MACF1: variants seen among roughly 807,000 people sequenced by gnomAD.
MACF1 encodes microtubule-actin cross-linking factor 1.
A neutral mutation model predicts 854.8 loss-of-function variants in MACF1; 193 were observed. The observed-to-expected ratio is 0.23, with a 90% CI of 0.20 to 0.25. MACF1 has a LOEUF of 0.25. MACF1 is among the 10% of genes least tolerant of loss of function. The probability of loss-of-function intolerance (pLI) is 1.00; values close to 1 mark genes in which losing one functional copy is unlikely to be tolerated. For missense variants in MACF1, 7,722 were observed against 8,929.1 expected (o/e 0.86, Z 5.45); for synonymous variants, 3,185 against 3,226.7 (o/e 0.99, Z 0.44).
intron 1 of MACF1, among the ~76,000 whole-genome samples, chr1:39,213,703 C>T (rs1644542931): frequency 6.6e-6 from 1 of 152,132 alleles, no homozygotes; most frequent in African/African-American, 2.4e-5. Context: ...ATGTTCATTC[C>T]TTTTTTTCTC....
At chr1:39,482,537 C>T (rs1179532965) in intron 99 of MACF1, among the ~76,000 whole-genome samples, 5 of 151,756 alleles carry the variant, frequency 3.3e-5, no homozygotes, top group East Asian at 1.9e-4. Context: ...TTTGTTTTTT[C>T]ATTTTTTAAA....
At position 39,441,265 on chromosome 1, in the gene MACF1, G is replaced by A. The variant is rs1644110500; in HGVS notation, c.18612G>A (p.Glu6204=). Residue 6204 remains glutamate, a synonymous_variant, in exon 74 of 101, where the codon GAG becomes GAA. Coordinates refer to ENST00000564288, the MANE Select transcript of MACF1 (RefSeq NM_001394062.1). ...AWENLNKTWK[E]RLEKLEDAMQ... is the part of the protein sequence containing the mutation. ...AGAACTTAAACAAAACATGGAAAGAGAGGCTAGAAAAACTTGAGGATGCTA... is the reference window on the plus strand; with the variant it reads ...AGAACTTAAACAAAACATGGAAAGAAAGGCTAGAAAAACTTGAGGATGCTA... 1 of 1,614,066 alleles carries A rather than the reference G, an allele frequency of 6.2e-7. No homozygotes were observed. Among genetic ancestry groups the A allele is most frequent in the South Asian group, 1.1e-5 (1 of 91,084 alleles).
intron 51 of MACF1, among the ~76,000 whole-genome samples, chr1:39,371,218 G>T (rs978083451): frequency 6.6e-6 from 1 of 151,368 alleles, no homozygotes. Context: ...ACTCAAGAGG[G>T]TGAGGCAGAG....
At position 39,327,175 on chromosome 1, in the gene MACF1, G is replaced by T. The variant is rs200715407; in HGVS notation, c.4479-43G>T. ...AGCAATAGAGCAGAGTTTGGAGATT[G>T]TTTTTTTTTCTCCTAAAAAAGCTTT... On this transcript the variant is annotated intron_variant, in intron 35 of 100. Transcript: ENST00000564288. 160 of 1,475,528 alleles carry T rather than the reference G, an allele frequency of 1.1e-4. No individual in the cohort carries two copies. The African/African-American group carries it at 2.1e-3, about 19-fold the overall frequency. 91.4% of individuals were successfully genotyped at this position (1,475,528 alleles called of 1,614,324 possible).
chr1:39,333,903 C>G lies in MACF1; in HGVS notation c.7315C>G (p.Leu2439Val), dbSNP rs1406772724. 8 of 1,614,002 alleles carry G rather than the reference C, an allele frequency of 5.0e-6. No individual in the cohort carries two copies. The East Asian group carries it at 1.8e-4, about 36-fold the overall frequency. ...GLVDVADQPE[L>V]INLEKASKGR... ...GGTGGACGTTGCTGACCAGCCAGAA[C>G]TTATAAATCTGGAGAAAGCTTCCAA... Residue 2439 changes from leucine to valine, a missense_variant, in exon 37 of 101, where the codon CTT (leucine) becomes GTT (valine). This residue lies in a region of MACF1 where 1,531 missense variants were observed against 1,601.6 expected (regional missense o/e 0.96). Transcript: ENST00000564288.
At chr1:39,243,694 C>T (rs758621006) in intron 2 of MACF1, among the ~76,000 whole-genome samples, 14 of 152,190 alleles carry the variant, frequency 9.2e-5, no homozygotes, top group Non-Finnish European at 1.8e-4. Flanking sequence ...TGAGCCACCG[C>T]ACCTGGCCTT....
Position 39,429,814 on chromosome 1 carries a change from C to A in MACF1, c.16889-13C>A. 6.2e-7 allele frequency: 1 copy of A among 1,613,134 alleles called. No homozygotes were observed. The highest frequency in any genetic ancestry group is 1.1e-5 in the South Asian group (1 of 91,026). On this transcript the variant is annotated splice_polypyrimidine_tract_variant and intron_variant, in intron 64 of 100. Coordinates refer to ENST00000564288, the MANE Select transcript of MACF1 (RefSeq NM_001394062.1). ...TCTCTTAAATATGAGTAATTGTGTG[C>A]TATCTTCCATAGGTGAGGAGGTGTT...
intron 1 of MACF1, among the ~76,000 whole-genome samples, chr1:39,207,260 T>A (rs887224218): frequency 7.4e-6 from 1 of 135,746 alleles, no homozygotes; most frequent in Non-Finnish European, 1.5e-5. Flanking sequence ...AGTTGTTTTT[T>A]TCTTTCTTTC....
Position 39,333,600 on chromosome 1 carries a change from T to C in MACF1, c.7012T>C (p.Ser2338Pro). 1 of 1,614,224 alleles carries C rather than the reference T, an allele frequency of 6.2e-7. No individual in the cohort carries two copies. Among genetic ancestry groups the C allele is most frequent in the Non-Finnish European group, 8.5e-7 (1 of 1,180,038 alleles). The change falls in exon 37 of 101, where the codon TCT becomes CCT. Residue 2338 changes from serine to proline, a missense_variant. Transcript: ENST00000564288. Reference sequence around the variant, plus strand: ...GAACATGTTTCAGGGGTTCTTTGACTCTCAGACTTGTGAGTCTTTGACAAC... The same window carrying C: ...GAACATGTTTCAGGGGTTCTTTGACCCTCAGACTTGTGAGTCTTTGACAAC... ...KLNMFQGFFD[S>P]QTCESLTTEE...
At chr1:39,304,429 T>A in intron 23 of MACF1, 1 of 1,316,768 alleles carries the variant, frequency 7.6e-7, no homozygotes, top group Non-Finnish European at 1.1e-6. Context: ...GTTGACCCTC[T>A]CCACCCTTTC....
chr1:39,269,792 G>C (rs921605252), intron 6 of MACF1: 8 of 1,183,974 alleles, frequency 6.8e-6, no homozygotes, highest in African/African-American at 3.1e-5. Context: ...TTAAAGCTGA[G>C]TGTGGTGAGC....
At chr1:39,102,582 C>A (rs553400598) in intron 2 of MACF1, 4 of 602,424 alleles carry the variant, frequency 6.6e-6, no homozygotes, top group Non-Finnish European at 1.2e-5. Context: ...ACATTAGAGG[C>A]GCTGAAAGAA....
chr1:39,146,908 T>A (rs1284161390), intron 2 of MACF1, among the ~76,000 whole-genome samples: 7 of 152,220 alleles, frequency 4.6e-5, no homozygotes, highest in Non-Finnish European at 1.0e-4. Context: ...TACCCTGATG[T>A]GATTAGTATA....
At chr1:39,330,884 C>T (rs920583224) in intron 36 of MACF1, among the ~76,000 whole-genome samples, 4 of 151,874 alleles carry the variant, frequency 2.6e-5, no homozygotes, top group African/African-American at 9.7e-5. Context: ...TCACTACAAC[C>T]TCCACCTCCC....
intron 58 of MACF1, among the ~76,000 whole-genome samples, chr1:39,417,391 A>G (rs933911381): frequency 1.3e-5 from 2 of 152,160 alleles, no homozygotes; most frequent in Non-Finnish European, 2.9e-5. Flanking sequence ...TAAGATTACA[A>G]TTTGCCAAGG....
intron 2 of MACF1, among the ~76,000 whole-genome samples, chr1:39,180,340 G>A (rs1644088464): frequency 6.6e-6 from 1 of 152,120 alleles, no homozygotes; most frequent in South Asian, 2.1e-4. Context: ...TATAGGCCAG[G>A]CATGGTGGCT....
intron 1 of MACF1, among the ~76,000 whole-genome samples, chr1:39,226,324 G>T (rs1025204844): frequency 1.3e-5 from 2 of 151,698 alleles, no homozygotes; most frequent in South Asian, 4.1e-4. Context: ...TAGATGAACA[G>T]AATAATTTAT....
intron 6 of MACF1, among the ~76,000 whole-genome samples, chr1:39,263,774 T>TTTC (rs1553190550): frequency 1.5e-3 from 193 of 129,916 alleles, no homozygotes; most frequent in African/African-American, 5.6e-3. Flanking sequence ...CTTTTTTCTT[T>TTTC]TTTTTTTTTT....
At chr1:39,103,479 GAC>G (rs989343255) in intron 2 of MACF1, 22 of 158,200 alleles carry the variant, frequency 1.4e-4, no homozygotes, top group African/African-American at 5.3e-4. Context: ...ACTCAGCACT[GAC>G]ACAGTCAAGA....
Sources: gnomAD v4.1 joint callset for allele counts (sites outside exome capture counted in the v4.1 genomes callset) on GRCh38, gnomAD v4.1.1 for gene constraint, gnomAD v4.1.1 regional missense constraint, MANE v1.5 for transcripts, NCBI Gene and HGNC (gene_info 2026-07-23, HGNC 2026-07-21) for gene names.